CACNA1I: variants seen among roughly 807,000 people sequenced by gnomAD.
CACNA1I encodes the protein calcium voltage-gated channel subunit alpha1 I.
A neutral mutation model predicts 201.6 loss-of-function variants in CACNA1I; 74 were observed. The ratio of observed to expected loss-of-function variants is 0.37; its 90% confidence interval spans 0.30 to 0.45. The LOEUF (loss-of-function observed/expected upper bound fraction) is 0.45, where lower values mean the gene tolerates loss of function less well. Among genes scored for constraint, CACNA1I ranks in the 20% least tolerant of loss-of-function variants. The pLI, the probability that CACNA1I is intolerant of heterozygous loss-of-function variation, is 1.00. For synonymous variants in CACNA1I, 1,431 were observed against 1,345.2 expected (o/e 1.06, Z -1.40); for missense variants, 2,346 against 3,138.1 (o/e 0.75, Z 6.03).
intron 33 of CACNA1I, 61 bp from the exon 34 acceptor site, chr22:39,680,869 C>G (rs1254084459): frequency 3.2e-6 from 5 of 1,557,828 alleles, no homozygotes; most frequent in Non-Finnish European, 4.3e-6. Flanking sequence ...CTGCACGCCC[C>G]AGGACCCAGG....
chr22:39,647,716 G>A, intron 8 of CACNA1I, 106 bp from the exon 9 acceptor site: 2 of 820,062 alleles, frequency 2.4e-6, no homozygotes, highest in Non-Finnish European at 4.1e-6. Context: ...CCCTGGCCAA[G>A]TTTATGCTTT....
chr22:39,572,916 C>T (rs1268676747), intron 1 of CACNA1I, among the ~76,000 whole-genome samples: 3 of 152,120 alleles, frequency 2.0e-5, no homozygotes, highest in Non-Finnish European at 4.4e-5. Flanking sequence ...ACCGCCATGC[C>T]CTACTAATTT....
chr22:39,662,316 G>A lies in CACNA1I; in HGVS notation c.3253G>A (p.Ala1085Thr), dbSNP rs2146450750. The change falls in exon 17 of 37, where the codon GCA becomes ACA. Residue 1085 changes from alanine to threonine, a missense_variant. Physicochemically the swap from Ala to Thr is moderately conservative, Grantham distance 58. This residue lies in a region of CACNA1I where 288 missense variants were observed against 255.2 expected (regional missense o/e 1.13). Coordinates refer to ENST00000402142, the MANE Select transcript of CACNA1I (RefSeq NM_021096.4). ...GAHPRAAWRAAGPAPGHEDCN... is the reference protein window; with the variant it reads ...GAHPRAAWRATGPAPGHEDCN... ...CCACCCCCGGGCCGCCTGGAGGGCG[G>A]CAGGCCCGGCCCCCGGGCATGAGGA... The A allele has an allele frequency of 6.8e-7, 1 of 1,480,268 alleles. No individual in the cohort carries two copies. The allele number at this position is 1,480,268 out of a possible 1,614,324, so 91.7% of individuals were successfully genotyped here.
chr22:39,583,128 C>A (rs1420675259), intron 1 of CACNA1I, among the ~76,000 whole-genome samples: 1 of 146,130 alleles, frequency 6.8e-6, no homozygotes, highest in Non-Finnish European at 1.5e-5. Flanking sequence ...ATGCATGCAT[C>A]CATCTCTCCA....
chr22:39,653,045 C>T (rs750779076), intron 10 of CACNA1I, among the ~76,000 whole-genome samples: 6 of 151,920 alleles, frequency 3.9e-5, no homozygotes, highest in Admixed American at 3.3e-4. Flanking sequence ...TCCCCCCACA[C>T]GGTGGCTAAG....
chr22:39,647,017 C>G, intron 8 of CACNA1I, 136 bp downstream of exon 8: 1 of 1,338,210 alleles, frequency 7.5e-7, no homozygotes, highest in South Asian at 1.6e-5. Flanking sequence ...TTCACAGCCC[C>G]CAGGGACCTC....
chr22:39,626,549 G>T (rs1212552463), intron 4 of CACNA1I, among the ~76,000 whole-genome samples: 1 of 152,198 alleles, frequency 6.6e-6, no homozygotes, highest in Admixed American at 6.5e-5. Context: ...GGGAAAAGGA[G>T]AGGGTTGTTC....
At chr22:39,657,022 G>A (rs1384859685) in intron 10 of CACNA1I, among the ~76,000 whole-genome samples, 10 of 152,108 alleles carry the variant, frequency 6.6e-5, no homozygotes, top group Non-Finnish European at 1.5e-4. Context: ...TGGATGAATT[G>A]GTTCCTCACT....
chr22:39,662,082 C>A lies in CACNA1I; in HGVS notation c.3019C>A (p.Leu1007Ile). ...KPPSAEHESL[L>I]SAERGGGARV... The stretch of plus-strand genomic sequence containing the variant: ...GCCGTCGGCGGAGCATGAGTCCCTG[C>A]TCTCTGCGGAGCGCGGCGGCGGCGC... The change falls in exon 17 of 37, where the codon CTC becomes ATC. Residue 1007 changes from leucine (L) to isoleucine (I), a missense_variant. Leu to Ile is a conservative substitution (Grantham distance 5). Around this residue, in one of 13 missense-constraint regions of CACNA1I, gnomAD observed 288 missense variants for 255.2 expected, o/e 1.13. Transcript: ENST00000402142. 1 of 1,537,758 alleles carries A rather than the reference C, an allele frequency of 6.5e-7. No individual in the cohort carries two copies. Among genetic ancestry groups the A allele is most frequent in the Non-Finnish European group, 8.7e-7 (1 of 1,146,804 alleles).
chr22:39,606,932 T>C (rs1696841747), intron 3 of CACNA1I, among the ~76,000 whole-genome samples: 1 of 152,248 alleles, frequency 6.6e-6, no homozygotes. Flanking sequence ...ACTTGAGACG[T>C]TCTTTATCTG....
chr22:39,686,229 C>A lies in CACNA1I; in HGVS notation c.6496C>A (p.His2166Asn), dbSNP rs1282413543. ...CAGCCTGGCCGCCCCCGGCCGCCCC[C>A]ACGCCGCCGCCCTGGCCCACGGCCT... ...TSSLAAPGRP[H>N]AAALAHGLAR... The change falls in exon 37 of 37, where the codon CAC becomes AAC. Residue 2166 changes from histidine (H) to asparagine (N), a missense_variant. By Grantham distance (68) the His-to-Asn change is moderately conservative (BLOSUM62 1). Coordinates refer to ENST00000402142, the MANE Select transcript of CACNA1I (RefSeq NM_021096.4). 6 of 1,245,268 alleles carry A rather than the reference C, an allele frequency of 4.8e-6. No homozygotes were observed. Among genetic ancestry groups the A allele is most frequent in the Non-Finnish European group, 6.0e-6 (6 of 998,560 alleles). The allele number at this position is 1,245,268 out of a possible 1,614,324, so 77.1% of individuals were successfully genotyped here.
chr22:39,658,793 A>G (rs1934904124), intron 11 of CACNA1I, 138 bp from the exon 12 acceptor site: 2 of 756,070 alleles, frequency 2.6e-6, no homozygotes, highest in Non-Finnish European at 4.3e-6. Flanking sequence ...GTGGAGCAGC[A>G]TCCAACATAT....
chr22:39,652,037 G>C, intron 10 of CACNA1I, among the ~76,000 whole-genome samples: 1 of 102,826 alleles, frequency 9.7e-6, no homozygotes, highest in African/African-American at 4.1e-5. Flanking sequence ...ATCTGGTGGA[G>C]CCTTTTTTTT....
chr22:39,605,339 A>C (rs1258462707), intron 3 of CACNA1I, among the ~76,000 whole-genome samples: 2 of 152,132 alleles, frequency 1.3e-5, no homozygotes, highest in Non-Finnish European at 2.9e-5. Context: ...CTCTGTTCCC[A>C]GGCTGCCCCT....
intron 26 of CACNA1I, among the ~76,000 whole-genome samples, chr22:39,671,451 C>G (rs1222116566): frequency 6.6e-6 from 1 of 152,122 alleles, no homozygotes; most frequent in Non-Finnish European, 1.5e-5. Context: ...ATGTAGCCTC[C>G]TTTACTACCT....
intron 3 of CACNA1I, among the ~76,000 whole-genome samples, chr22:39,614,321 G>A (rs1933468658): frequency 6.6e-6 from 1 of 152,188 alleles, no homozygotes; most frequent in African/African-American, 2.4e-5. Flanking sequence ...CACAGTACAA[G>A]CAGGACCTAG....
chr22:39,620,439 C>A (rs182479532), intron 4 of CACNA1I, among the ~76,000 whole-genome samples: 12 of 152,298 alleles, frequency 7.9e-5, no homozygotes, highest in African/African-American at 2.4e-4. Flanking sequence ...ACCTGCCCAC[C>A]CACCTAGTAT....
rs1935684861 is a variant in CACNA1I, at chr22:39,680,951, G to A, written c.5563G>A (p.Ala1855Thr). The change falls in exon 34 of 37, where the codon GCC becomes ACC. Residue 1855 changes from alanine to threonine, a missense_variant. Coordinates refer to ENST00000402142, the MANE Select transcript of CACNA1I (RefSeq NM_021096.4). The part of the protein sequence containing the change: ...KQEVQLAETE[A>T]FSLNSDRSSS... ...GCAGGTGCAGCTGGCTGAGACGGAG[G>A]CCTTCTCCCTGAACTCAGACAGGTC... 3 of 1,611,288 alleles carry A rather than the reference G, an allele frequency of 1.9e-6. No homozygotes were observed. In the East Asian group the frequency reaches 6.7e-5, roughly 36 times the overall value.
At chr22:39,601,990 TTCCTTCCTTCCCTCCTTCCTTCCTTCCC>T (rs1933068185) in intron 3 of CACNA1I, among the ~76,000 whole-genome samples, 4 of 17,070 alleles carry the variant, frequency 2.3e-4, no homozygotes, top group South Asian at 2.8e-3. Context: ...CCTTCCTTCC[TTCCTTCCTTCCCTCCTTCCTTCCTTCCC>T]TCCTTCCTTC....
Sources: allele counts gnomAD v4.1 joint callset (sites outside exome capture counted in the v4.1 genomes callset), GRCh38; gene constraint gnomAD v4.1.1; regional missense constraint gnomAD v4.1.1; transcripts MANE v1.5; gene names NCBI Gene and HGNC (gene_info 2026-07-23, HGNC 2026-07-21).